Variants in DST observed in about 807,000 individuals in gnomAD.
DST encodes dystonin, also known as bullous pemphigoid antigen.
Under a neutral mutation model 875.2 loss-of-function variants are expected in DST, and 253 were observed. That is an observed-to-expected ratio of 0.29 (90% CI 0.26 to 0.32). DST has a LOEUF of 0.32. Ranked by LOEUF, DST falls within the 10% of genes least tolerant of loss-of-function variation. The pLI is 1.00. For missense variants in DST, 8,287 were observed against 9,111.6 expected, an observed-to-expected ratio of 0.91 and a Z score of 3.68; for synonymous variants, 3,124 against 3,197.1, an observed-to-expected ratio of 0.98 and a Z score of 0.77.
At chr6:56,786,602 G>A (rs1051334017) in intron 4 of DST, among the ~76,000 whole-genome samples, 1 of 152,102 alleles carries the variant, frequency 6.6e-6, no homozygotes, top group African/African-American at 2.4e-5. Context: ...GCACAATCTG[G>A]GCTAACTGCA....
intron 4 of DST, among the ~76,000 whole-genome samples, chr6:56,796,438 A>G (rs2099739908): frequency 6.6e-6 from 1 of 152,228 alleles, no homozygotes; most frequent in Non-Finnish European, 1.5e-5. Flanking sequence ...GTCTAGTGGT[A>G]GAAACGGTGA....
At chr6:56,843,665 G>A in intron 4 of DST, 1 of 983,436 alleles carries the variant, frequency 1.0e-6, no homozygotes, top group Non-Finnish European at 1.2e-6. Context: ...CCTGGCCGCC[G>A]CGCCGCAGAC....
chr6:56,920,624 T>C (rs1272172988), intron 2 of DST, among the ~76,000 whole-genome samples: 2 of 152,112 alleles, frequency 1.3e-5, no homozygotes, highest in Non-Finnish European at 2.9e-5. Context: ...TAAAAGCAAA[T>C]TATGCAGCTT....
intron 5 of DST, among the ~76,000 whole-genome samples, chr6:56,712,743 T>C (rs915531598): frequency 1.9e-4 from 29 of 152,310 alleles, no homozygotes; most frequent in African/African-American, 7.0e-4. Context: ...TAAAACAGAA[T>C]TGTAAATACT....
At chr6:56,822,598 C>T (rs2099774341) in intron 4 of DST, among the ~76,000 whole-genome samples, 1 of 151,952 alleles carries the variant, frequency 6.6e-6, no homozygotes, top group Non-Finnish European at 1.5e-5. Context: ...AGTATTGCCT[C>T]TGAAGTAAAA....
chr6:56,495,480 T>G (rs1449796933), intron 82 of DST, among the ~76,000 whole-genome samples: 1 of 151,988 alleles, frequency 6.6e-6, no homozygotes, highest in Non-Finnish European at 1.5e-5. Flanking sequence ...TATATTCTTC[T>G]AAGTTAACAT....
chr6:56,618,983 A>G, intron 36 of DST: 8 of 1,614,162 alleles, frequency 5.0e-6, no homozygotes, highest in Non-Finnish European at 6.8e-6. Flanking sequence ...TTCCGCATTC[A>G]GATTTCTAAC....
intron 4 of DST, among the ~76,000 whole-genome samples, chr6:56,822,091 A>G (rs1021920517): frequency 6.6e-6 from 1 of 152,222 alleles, no homozygotes; most frequent in Non-Finnish European, 1.5e-5. Context: ...TTTTATGTAC[A>G]TGTGAATTTT....
chr6:56,556,634 C>G (rs1013523568), intron 59 of DST, among the ~76,000 whole-genome samples: 2 of 152,160 alleles, frequency 1.3e-5, no homozygotes, highest in African/African-American at 4.8e-5. Flanking sequence ...TATAAAACAG[C>G]CTCCCTGCTC....
At chr6:56,829,681 T>C (rs770287921) in intron 4 of DST, among the ~76,000 whole-genome samples, 1 of 152,180 alleles carries the variant, frequency 6.6e-6, no homozygotes, top group South Asian at 2.1e-4. Context: ...ATCATATCAG[T>C]ATGAAGTGAT....
intron 4 of DST, among the ~76,000 whole-genome samples, chr6:56,784,850 T>C (rs1007178381): frequency 3.9e-5 from 6 of 152,314 alleles, no homozygotes; most frequent in African/African-American, 1.4e-4. Flanking sequence ...TCCCCATCTT[T>C]ATGGTTTTAT....
At chr6:56,841,402 C>T (rs865945706) in intron 4 of DST, among the ~76,000 whole-genome samples, 11 of 152,130 alleles carry the variant, frequency 7.2e-5, no homozygotes, top group Non-Finnish European at 1.6e-4. Context: ...TTTTCAGTGA[C>T]GTCTGAACAA....
At chr6:56,581,781 C>CA (rs1345649147) in intron 49 of DST, among the ~76,000 whole-genome samples, 4 of 152,200 alleles carry the variant, frequency 2.6e-5, no homozygotes, top group African/African-American at 4.8e-5. Flanking sequence ...CCTAGCTTTC[C>CA]AACTGCCTCT....
intron 4 of DST, among the ~76,000 whole-genome samples, chr6:56,772,640 G>A (rs1331241417): frequency 6.6e-6 from 1 of 152,140 alleles, no homozygotes; most frequent in Non-Finnish European, 1.5e-5. Context: ...GTCAATTAGT[G>A]GAGCAGAACA....
intron 9 of DST, among the ~76,000 whole-genome samples, chr6:56,680,764 A>G (rs184904587): frequency 8.8e-4 from 134 of 152,160 alleles, no homozygotes; most frequent in African/African-American, 3.2e-3. Flanking sequence ...CTCTACCACA[A>G]TGGCTTTAAC....
At position 56,603,001 on chromosome 6, in the gene DST, G is replaced by T; in HGVS notation, c.11188C>A (p.Leu3730Met). 1.3e-6 allele frequency: 2 copies of T among 1,585,360 alleles called. No individual in the cohort carries two copies. Among genetic ancestry groups the T allele is most frequent in the South Asian group, 2.3e-5 (2 of 85,194 alleles). The stretch of plus-strand genomic sequence containing the variant: ...TCTGAGAATGACTTAAGTTTATGCA[G>T]AAATTCTTCATGGGAAACTGCTAGT... ...SKLAVSHEEF[L>M]HKLKSFSDWV... Residue 3730 changes from leucine (L) to methionine (M), a missense_variant, in exon 43 of 104, where the codon CTG (leucine) becomes ATG (methionine). Leu to Met is a conservative substitution (Grantham distance 15). Around this residue, in one of 10 missense-constraint regions of DST, gnomAD observed 3,138 missense variants for 3,116.6 expected, o/e 1.01. Coordinates refer to ENST00000680361, the MANE Select transcript of DST (RefSeq NM_001374736.1).
chr6:56,524,545 A>AC (rs2096763415), intron 69 of DST, among the ~76,000 whole-genome samples: 4 of 152,152 alleles, frequency 2.6e-5, no homozygotes, highest in Admixed American at 2.6e-4. Context: ...TTGTGAGACC[A>AC]CATGCAAGTC....
At chr6:56,951,103 T>C (rs1592892320) in intron 2 of DST, among the ~76,000 whole-genome samples, 1 of 152,288 alleles carries the variant, frequency 6.6e-6, no homozygotes, top group East Asian at 1.9e-4. Context: ...CGGCTAAAAC[T>C]TCCTGTGCAA....
At position 56,573,008 on chromosome 6, in the gene DST, T is replaced by G; in HGVS notation, c.13293A>C (p.Lys4431Asn). Residue 4431 changes from lysine (K) to asparagine (N), a missense_variant, in exon 52 of 104, where the codon AAA (lysine) becomes AAC (asparagine). Around this residue, in one of 10 missense-constraint regions of DST, gnomAD observed 1,513 missense variants for 1,677.8 expected, o/e 0.90. Transcript: ENST00000680361. Reference protein sequence around the residue: ...RQSSINAMNEKVKKFMETTDP... With the variant: ...RQSSINAMNENVKKFMETTDP... ...CTGTTGTTTCCATAAATTTCTTCAC[T>G]TTTTCATTCATGGCATTTATACTGC... is the stretch of plus-strand genomic sequence containing the variant. The G allele has an allele frequency of 6.2e-7, 1 of 1,606,008 alleles. No homozygotes were observed. Among genetic ancestry groups the G allele is most frequent in the Non-Finnish European group, 8.5e-7 (1 of 1,176,168 alleles).
Sources: allele counts gnomAD v4.1 joint callset (sites outside exome capture counted in the v4.1 genomes callset), GRCh38; gene constraint gnomAD v4.1.1; regional missense constraint gnomAD v4.1.1; transcripts MANE v1.5; gene names NCBI Gene and HGNC (gene_info 2026-07-23, HGNC 2026-07-21).